The following TMEM132D variants were observed in gnomAD, a reference collection of about 807,000 sequenced individuals.
The protein encoded by TMEM132D is transmembrane protein 132D.
TMEM132D carries 21 observed loss-of-function variants against 62.3 expected under a neutral mutation model. The ratio of observed to expected loss-of-function variants is 0.34; its 90% confidence interval spans 0.24 to 0.49. The LOEUF (loss-of-function observed/expected upper bound fraction) is 0.49. Ranked by LOEUF, TMEM132D falls within the 20% of genes least tolerant of loss-of-function variation. The pLI, the probability that TMEM132D is intolerant of heterozygous loss-of-function variation, is 0.99. For synonymous variants in TMEM132D, 621 were observed against 575.6 expected (o/e 1.08, Z -1.13); for missense variants, 1,346 against 1,402.8 (o/e 0.96, Z 0.65).
intron 3 of TMEM132D, among the ~76,000 whole-genome samples, chr12:129,417,796 C>A (rs547330558): frequency 6.6e-6 from 1 of 152,242 alleles, no homozygotes; most frequent in African/African-American, 2.4e-5. Flanking sequence ...TTTTTGCAAT[C>A]TATCCATCTG....
At chr12:129,569,305 T>C (rs1877449512) in intron 2 of TMEM132D, among the ~76,000 whole-genome samples, 1 of 152,168 alleles carries the variant, frequency 6.6e-6, no homozygotes, top group Non-Finnish European at 1.5e-5. Context: ...GTAGCTGGAA[T>C]CAAATTGAAG....
chr12:129,136,836 TCAC>T (rs1876583681), intron 5 of TMEM132D, among the ~76,000 whole-genome samples: 1 of 130,658 alleles, frequency 7.7e-6, no homozygotes, highest in Non-Finnish European at 1.6e-5. Flanking sequence ...ATCATCATTA[TCAC>T]CACCACCATC....
chr12:129,565,200 C>T (rs1877336385), intron 2 of TMEM132D, among the ~76,000 whole-genome samples: 1 of 152,218 alleles, frequency 6.6e-6, no homozygotes, highest in South Asian at 2.1e-4. Context: ...TCACCAGCCC[C>T]ACACAGGTGC....
chr12:129,091,530 G>A (rs1016748371), intron 5 of TMEM132D, among the ~76,000 whole-genome samples: 1 of 151,960 alleles, frequency 6.6e-6, no homozygotes, highest in South Asian at 2.1e-4. Context: ...ATGCTCACCT[G>A]GGCTCTGGGG....
intron 1 of TMEM132D, among the ~76,000 whole-genome samples, chr12:129,880,565 T>C (rs1182242908): frequency 6.6e-6 from 1 of 152,134 alleles, no homozygotes; most frequent in Non-Finnish European, 1.5e-5. Flanking sequence ...ATAAAATAAA[T>C]GGCATCAGTA....
chr12:129,412,805 A>C (rs1429310645), intron 3 of TMEM132D, among the ~76,000 whole-genome samples: 1 of 152,170 alleles, frequency 6.6e-6, no homozygotes. Context: ...GTGAGCCAAG[A>C]TCATGTGATT....
chr12:129,559,150 A>G (rs1031987930), intron 2 of TMEM132D, among the ~76,000 whole-genome samples: 2 of 152,238 alleles, frequency 1.3e-5, no homozygotes, highest in African/African-American at 4.8e-5. Context: ...AGGTTTTACA[A>G]CCCAACACAA....
intron 1 of TMEM132D, among the ~76,000 whole-genome samples, chr12:129,861,434 G>A (rs750738956): frequency 3.9e-5 from 6 of 152,156 alleles, no homozygotes; most frequent in South Asian, 4.1e-4. Flanking sequence ...AAAATGAGAG[G>A]AGCCTGAATT....
At chr12:129,228,672 A>G (rs1879549330) in intron 4 of TMEM132D, among the ~76,000 whole-genome samples, 1 of 152,174 alleles carries the variant, frequency 6.6e-6, no homozygotes, top group African/African-American at 2.4e-5. Context: ...TGGTTCATCC[A>G]TGCTGTAGCA....
chr12:129,131,027 GC>G (rs1876360094), intron 5 of TMEM132D, among the ~76,000 whole-genome samples: 1 of 152,036 alleles, frequency 6.6e-6, no homozygotes, highest in African/African-American at 2.4e-5. Flanking sequence ...GTTTTTCTGT[GC>G]CCCCAGGCTA....
chr12:129,813,875 G>A (rs1233660949), intron 1 of TMEM132D, among the ~76,000 whole-genome samples: 1 of 151,982 alleles, frequency 6.6e-6, no homozygotes, highest in Non-Finnish European at 1.5e-5. Context: ...ATAAAAGCAA[G>A]AACGTGTTTA....
At chr12:129,335,288 C>T (rs532854218) in intron 4 of TMEM132D, among the ~76,000 whole-genome samples, 1 of 151,970 alleles carries the variant, frequency 6.6e-6, no homozygotes, top group African/African-American at 2.4e-5. Flanking sequence ...TGTGCCATCA[C>T]ACCTGGCTAA....
At chr12:129,426,505 C>T (rs1287230248) in intron 3 of TMEM132D, among the ~76,000 whole-genome samples, 2 of 152,154 alleles carry the variant, frequency 1.3e-5, no homozygotes, top group Admixed American at 6.5e-5. Context: ...ACTGATGTCT[C>T]AGTCAGGTCA....
intron 2 of TMEM132D, among the ~76,000 whole-genome samples, chr12:129,567,953 T>C (rs1877413588): frequency 6.6e-6 from 1 of 152,278 alleles, no homozygotes; most frequent in Middle Eastern, 3.4e-3. Context: ...CTGACCACCA[T>C]AGGTGGTTTA....
At chr12:129,685,201 A>G (rs1880878334) in intron 2 of TMEM132D, among the ~76,000 whole-genome samples, 1 of 152,168 alleles carries the variant, frequency 6.6e-6, no homozygotes, top group Non-Finnish European at 1.5e-5. Flanking sequence ...AGACAATGGG[A>G]AAAAATGTCT....
chr12:129,741,677 G>A (rs907584246), intron 1 of TMEM132D, among the ~76,000 whole-genome samples: 2 of 152,136 alleles, frequency 1.3e-5, no homozygotes, highest in Admixed American at 1.3e-4. Context: ...AGACCACTGT[G>A]GCAATTAGGA....
intron 3 of TMEM132D, among the ~76,000 whole-genome samples, chr12:129,364,621 C>T (rs988045178): frequency 6.6e-6 from 1 of 152,196 alleles, no homozygotes; most frequent in Non-Finnish European, 1.5e-5. Context: ...GCTTTTACCT[C>T]ACTTTGTCTG....
intron 3 of TMEM132D, among the ~76,000 whole-genome samples, chr12:129,414,882 A>G (rs896536778): frequency 2.0e-5 from 3 of 151,678 alleles, no homozygotes; most frequent in African/African-American, 4.8e-5. Context: ...TGTGAATTCA[A>G]CTCTTTTAGA....
intron 2 of TMEM132D, among the ~76,000 whole-genome samples, chr12:129,620,644 A>G (rs1417961031): frequency 1.3e-5 from 2 of 152,216 alleles, no homozygotes; most frequent in Non-Finnish European, 2.9e-5. Context: ...TGCAGCCATT[A>G]AAAGGAACAA....
Sources: allele counts gnomAD v4.1 joint callset (sites outside exome capture counted in the v4.1 genomes callset), GRCh38; gene constraint gnomAD v4.1.1; transcripts MANE v1.5; gene names NCBI Gene and HGNC (gene_info 2026-07-23, HGNC 2026-07-21).